The following ZNF571 variants were observed in gnomAD, a reference collection of about 807,000 sequenced individuals.
ZNF571 encodes zinc finger protein 571.
A neutral mutation model predicts 7.7 loss-of-function variants in ZNF571; 4 were observed. The ratio of observed to expected loss-of-function variants is 0.52; its 90% CI spans 0.25 to 1.18. The LOEUF (loss-of-function observed/expected upper bound fraction) is 1.18, where lower values mean the gene tolerates loss of function less well. Ranked by LOEUF, ZNF571 falls within the 50% of genes most tolerant of loss-of-function variation. ZNF571 has a pLI of 0.14. For missense variants in ZNF571, 704 were observed against 726.9 expected, an observed-to-expected ratio of 0.97 and a Z score of 0.36; for synonymous variants, 251 against 232.4, an observed-to-expected ratio of 1.08 and a Z score of -0.73.
intron 3 of ZNF571, among the ~76,000 whole-genome samples, chr19:37,570,988 A>G (rs1483957579): frequency 3.9e-5 from 6 of 152,226 alleles, no homozygotes; most frequent in Non-Finnish European, 8.8e-5. Context: ...ATCTACTAAC[A>G]GTATATAGCC....
chr19:37,564,882 G>A lies in ZNF571; in HGVS notation c.1546C>T (p.Gln516Ter), dbSNP rs1178756072. 1 of 1,614,010 alleles carries A rather than the reference G, an allele frequency of 6.2e-7. No homozygotes were observed. The highest frequency in any genetic ancestry group is 8.5e-7 in the Non-Finnish European group (1 of 1,179,948). ...ECDKAFIYGSQLSEHQRIHRG... is the reference protein window; with the variant it reads ...ECDKAFIYGS ...TGAATTCTCTGATGTTCACTAAGTTGTGAGCCATAAATAAAGGCCTTGTCA... is the reference window on the plus strand; with the variant it reads ...TGAATTCTCTGATGTTCACTAAGTTATGAGCCATAAATAAAGGCCTTGTCA... Residue 516 changes from glutamine (Q) to a stop codon, truncating the protein, a stop_gained, in exon 4 of 4, where the codon CAA becomes TAA. Transcript: ENST00000451802. LOFTEE classifies it low-confidence loss of function (END_TRUNC).
At chr19:37,589,340 CACAG>C (rs1294231239) in intron 1 of ZNF571, among the ~76,000 whole-genome samples, 1 of 150,654 alleles carries the variant, frequency 6.6e-6, no homozygotes, top group African/African-American at 2.4e-5. Flanking sequence ...TAAAAGAATA[CACAG>C]ACAAATGACA....
chr19:37,565,321 C>G lies in ZNF571; in HGVS notation c.1107G>C (p.Gly369=). 1 of 1,611,970 alleles carries G rather than the reference C, an allele frequency of 6.2e-7. No individual in the cohort carries two copies. The highest frequency in any genetic ancestry group is 1.7e-4 in the Middle Eastern group (1 of 6,046). Residue 369 remains glycine, a synonymous_variant, in exon 4 of 4, where the codon GGG becomes GGC. Coordinates refer to ENST00000451802, the MANE Select transcript of ZNF571 (RefSeq NM_016536.5). ...GTTGTGAGCCACGAAAAAAGGTCTT[C>G]CCGCATTCTTTACATTCATAGGGTT... The part of the protein sequence containing the change: ...GEKPYECKEC[G]KTFFRGSQLT...
At chr19:37,567,412 G>A (rs1029749843) in intron 3 of ZNF571, among the ~76,000 whole-genome samples, 10 of 152,062 alleles carry the variant, frequency 6.6e-5, no homozygotes. Flanking sequence ...TCTTTCAATG[G>A]TTTACCCTTG....
At chr19:37,573,175 C>T (rs915946414) in intron 3 of ZNF571, among the ~76,000 whole-genome samples, 2 of 151,790 alleles carry the variant, frequency 1.3e-5, no homozygotes, top group African/African-American at 4.8e-5. Flanking sequence ...TGAAAAACAA[C>T]AGAAATTATA....
intron 3 of ZNF571, chr19:37,583,668 ATAT>A (rs2043555731): frequency 1.0e-5 from 2 of 199,046 alleles, no homozygotes; most frequent in African/African-American, 4.7e-5. Context: ...TAAGGAAAGT[ATAT>A]TTGGCTTAGG....
intron 3 of ZNF571, among the ~76,000 whole-genome samples, chr19:37,571,514 A>G (rs529414917): frequency 1.6e-4 from 25 of 152,188 alleles, no homozygotes; most frequent in African/African-American, 5.8e-4. Flanking sequence ...AAAAACAAAC[A>G]AAAAAACAAA....
In ZNF571 at chr19:37,569,650, G is replaced by A. The variant is rs2042989227; in HGVS notation, c.137-3359C>T. ...CATAACCTCTAGCAGGTTCTGCCCG[G>A]CCTGGCTCCAGTCAACCTCTCCGAC... On this transcript the variant is annotated intron_variant, in intron 3 of 3. Transcript: ENST00000451802. This position sits in a 1 kb window ranked among gnomAD's most constrained non-coding sequence, Gnocchi z 4.4. Among the ~76,000 whole-genome samples, 2 of 152,034 alleles carry A rather than the reference G, an allele frequency of 1.3e-5. No individual in the cohort carries two copies. Among genetic ancestry groups the A allele is most frequent in the Admixed American group, 1.3e-4 (2 of 15,268 alleles).
rs138494668 is a variant in ZNF571 at position 37,583,977 on chromosome 19, A to G, written c.130T>C (p.Ser44Pro). 3.7e-4 allele frequency: 591 copies of G among 1,607,124 alleles called. 1 individual carries two copies. Among genetic ancestry groups the G allele is most frequent in the Non-Finnish European group, 4.8e-4 (560 of 1,176,424 alleles). The change falls in exon 3 of 4, where the codon TCA (serine) becomes CCA (proline). Residue 44 changes from serine (S) to proline (P), a missense_variant. Ser to Pro is a moderately conservative substitution (Grantham distance 74, BLOSUM62 -1). Transcript: ENST00000451802. Reference sequence around the variant, plus strand: ...TTACGTAGGATGATCTTACCCAATGAGATCAGGTTGCTGTAGTTCTCCAAC... The same window carrying G: ...TTACGTAGGATGATCTTACCCAATGGGATCAGGTTGCTGTAGTTCTCCAAC... Reference protein sequence around the residue: ...VMLENYSNLISLDLESSCVTK... With the variant: ...VMLENYSNLIPLDLESSCVTK...
At chr19:37,575,969 A>G (rs1265335303) in intron 3 of ZNF571, 1 of 152,182 alleles carries the variant, frequency 6.6e-6, no homozygotes, top group Non-Finnish European at 1.5e-5. Context: ...TTGTGGATAT[A>G]AGGCTTTTAT....
At chr19:37,577,734 T>C (rs1295964093) in intron 3 of ZNF571, among the ~76,000 whole-genome samples, 1 of 152,196 alleles carries the variant, frequency 6.6e-6, no homozygotes. Context: ...TACTCAAATT[T>C]TAATCAATGT....
In ZNF571 at chr19:37,586,824, C is replaced by G. The variant is rs370705228; in HGVS notation, c.-69-79G>C. On this transcript the variant is annotated intron_variant, in intron 1 of 3. Coordinates refer to ENST00000451802, the MANE Select transcript of ZNF571 (RefSeq NM_016536.5). ...AAACTACTTAGAACTACCTTTACTT[C>G]TCCTCTTTTGGGAATTTGGAAAAAA... The G allele has an allele frequency of 2.7e-4, 220 of 823,558 alleles. 3 individuals are homozygous for G. The Middle Eastern group carries it at 5.6e-3, about 21-fold the overall frequency. 51.0% of individuals were successfully genotyped at this position (823,558 alleles called of 1,614,324 possible).
At chr19:37,584,576 C>CA (rs1295833685) in intron 2 of ZNF571, among the ~76,000 whole-genome samples, 11 of 152,082 alleles carry the variant, frequency 7.2e-5, no homozygotes, top group African/African-American at 2.7e-4. Flanking sequence ...TTTGAAGACT[C>CA]AGATTCATCA....
intron 3 of ZNF571, 25 bp from the exon 4 acceptor site, chr19:37,566,316 T>A: frequency 6.4e-7 from 1 of 1,565,586 alleles, no homozygotes; most frequent in Non-Finnish European, 8.6e-7. Flanking sequence ...GAAAGCAAAT[T>A]CCTGCTTTTG....
chr19:37,572,452 T>C (rs1479321613), intron 3 of ZNF571, among the ~76,000 whole-genome samples: 1 of 152,220 alleles, frequency 6.6e-6, no homozygotes, highest in East Asian at 1.9e-4. Context: ...ACCAGCATAT[T>C]GTCTAATTTT....
chr19:37,594,334 A>C (rs2043953305), intron 1 of ZNF571: 1 of 152,372 alleles, frequency 6.6e-6, no homozygotes, highest in Admixed American at 6.5e-5. Flanking sequence ...GAGCATTAAC[A>C]GGCGGCAGGT....
Position 37,565,532 on chromosome 19 carries a change from C to A in ZNF571, c.896G>T (p.Arg299Ile). The A allele has an allele frequency of 6.2e-7, 1 of 1,613,742 alleles. No individual in the cohort carries two copies. Among genetic ancestry groups the A allele is most frequent in the Non-Finnish European group, 8.5e-7 (1 of 1,179,874 alleles). The change falls in exon 4 of 4, where the codon AGA becomes ATA. Residue 299 changes from arginine to isoleucine, a missense_variant. Transcript: ENST00000451802. ...ATAAGGTTTCTCACCACTATGAATTCTCTGATGGTAAGTAAGTTGAGAGCC... is the reference window on the plus strand; with the variant it reads ...ATAAGGTTTCTCACCACTATGAATTATCTGATGGTAAGTAAGTTGAGAGCC... ...ILGSQLTYHQ[R>I]IHSGEKPYEC... is the part of the protein sequence containing the mutation.
chr19:37,584,806 C>CA (rs911489012), intron 2 of ZNF571, among the ~76,000 whole-genome samples: 6 of 151,274 alleles, frequency 4.0e-5, no homozygotes, highest in Admixed American at 1.3e-4. Flanking sequence ...ACTAAAAATA[C>CA]AAAAAAAATT....
At chr19:37,591,879 A>T (rs577454547) in intron 1 of ZNF571, among the ~76,000 whole-genome samples, 2 of 152,220 alleles carry the variant, frequency 1.3e-5, no homozygotes, top group Non-Finnish European at 2.9e-5. Flanking sequence ...ATACTTGATG[A>T]AAAAAAGTTC....
Sources: allele counts gnomAD v4.1 joint callset (sites outside exome capture counted in the v4.1 genomes callset), GRCh38; gene constraint gnomAD v4.1.1; non-coding constraint Gnocchi (gnomAD v3.1); transcripts MANE v1.5; gene names NCBI Gene and HGNC (gene_info 2026-07-23, HGNC 2026-07-21).